The following PTPRR variants were observed in gnomAD, a reference collection of about 807,000 sequenced individuals.
PTPRR encodes the protein receptor-type tyrosine-protein phosphatase R.
In PTPRR, 38 loss-of-function variants were observed where a neutral mutation model predicts 77.2. That is an observed-to-expected ratio of 0.49 (90% CI 0.38 to 0.65). PTPRR has a LOEUF of 0.65. PTPRR is among the 30% of genes least tolerant of loss of function. PTPRR has a pLI of 0.00. For missense variants in PTPRR, 744 were observed against 799.2 expected, an observed-to-expected ratio of 0.93 and a Z score of 0.83; for synonymous variants, 299 against 283.1, an observed-to-expected ratio of 1.06 and a Z score of -0.57.
chr12:70,804,920 A>G (rs918328731), intron 2 of PTPRR, among the ~76,000 whole-genome samples: 2 of 152,250 alleles, frequency 1.3e-5, no homozygotes, highest in Non-Finnish European at 2.9e-5. Context: ...TTGAAAAAAC[A>G]GTATAAAGAA....
intron 2 of PTPRR, among the ~76,000 whole-genome samples, chr12:70,882,008 C>T (rs900209798): frequency 3.3e-5 from 5 of 152,240 alleles, no homozygotes; most frequent in Non-Finnish European, 5.9e-5. Context: ...ACAGCCTTTG[C>T]GTTACGCTGT....
intron 2 of PTPRR, 23 bp downstream of exon 2, chr12:70,892,656 C>G: frequency 6.2e-7 from 1 of 1,606,032 alleles, no homozygotes; most frequent in East Asian, 2.2e-5. Context: ...TCAGCCTCAG[C>G]ATCAGTTTAA....
intron 2 of PTPRR, among the ~76,000 whole-genome samples, chr12:70,891,966 G>A (rs1893345031): frequency 6.6e-6 from 1 of 151,930 alleles, no homozygotes; most frequent in South Asian, 2.1e-4. Context: ...CTATAATGAT[G>A]TTAAACCAGA....
chr12:70,745,273 C>A (rs1021110709), intron 6 of PTPRR, among the ~76,000 whole-genome samples: 1 of 152,180 alleles, frequency 6.6e-6, no homozygotes, highest in Non-Finnish European at 1.5e-5. Context: ...AGTGATCCAC[C>A]CACCTCAGCC....
chr12:70,893,017 A>G (rs373914545), intron 1 of PTPRR, 40 bp from the exon 2 acceptor site: 33 of 1,583,538 alleles, frequency 2.1e-5, no homozygotes, highest in East Asian at 9.0e-5. Flanking sequence ...CAAAGACCCT[A>G]TTCAGTAAGA....
intron 6 of PTPRR, among the ~76,000 whole-genome samples, chr12:70,720,243 C>A (rs1342008043): frequency 2.6e-5 from 4 of 152,138 alleles, no homozygotes; most frequent in African/African-American, 9.7e-5. Context: ...GGCTCGAATC[C>A]TATCTCTGCA....
chr12:70,702,928 T>C (rs944346961), intron 6 of PTPRR, among the ~76,000 whole-genome samples: 3 of 152,188 alleles, frequency 2.0e-5, no homozygotes, highest in Admixed American at 2.0e-4. Context: ...TGATTATCTG[T>C]ATATGTTCAT....
At chr12:70,680,777 G>C (rs759039508) in intron 10 of PTPRR, among the ~76,000 whole-genome samples, 32 of 152,204 alleles carry the variant, frequency 2.1e-4, no homozygotes, top group Non-Finnish European at 4.1e-4. Context: ...GACATGCCCA[G>C]CTGGTGAGCT....
In PTPRR at chr12:70,752,043, G is replaced by A. The variant is rs115886477; in HGVS notation, c.738+2148C>T. On this transcript the variant is annotated intron_variant, in intron 5 of 13. Transcript: ENST00000283228. ...CTGGCAACCACTGATATTTTCTATA[G>A]GCTTGACTTTTCCTGAATGTCATAT... Among the ~76,000 whole-genome samples, 392 of 152,202 alleles carry A rather than the reference G, an allele frequency of 2.6e-3. 2 individuals are homozygous for A. The highest frequency in any genetic ancestry group is 9.1e-3 in the African/African-American group (378 of 41,538).
At chr12:70,724,317 A>G (rs1257494953) in intron 6 of PTPRR, among the ~76,000 whole-genome samples, 2 of 152,058 alleles carry the variant, frequency 1.3e-5, no homozygotes, top group Non-Finnish European at 2.9e-5. Flanking sequence ...TTCAGGTTCT[A>G]CCCTTTAAGA....
At chr12:70,698,905 A>G (rs1565653384) in intron 7 of PTPRR, among the ~76,000 whole-genome samples, 2 of 152,192 alleles carry the variant, frequency 1.3e-5, no homozygotes, top group African/African-American at 2.4e-5. Flanking sequence ...TTTAAGTTAT[A>G]AATGCACTGT....
intron 1 of PTPRR, among the ~76,000 whole-genome samples, chr12:70,895,946 C>T (rs1263647494): frequency 1.3e-5 from 2 of 151,628 alleles, no homozygotes; most frequent in Admixed American, 6.6e-5. Flanking sequence ...CCTCTCTCTC[C>T]TATCAATACC....
At chr12:70,740,718 T>G (rs1196623013) in intron 6 of PTPRR, among the ~76,000 whole-genome samples, 1 of 152,138 alleles carries the variant, frequency 6.6e-6, no homozygotes, top group Admixed American at 6.5e-5. Flanking sequence ...GATGAGAAAT[T>G]TATATGACAT....
At chr12:70,804,815 G>A (rs1361641486) in intron 2 of PTPRR, among the ~76,000 whole-genome samples, 3 of 152,016 alleles carry the variant, frequency 2.0e-5, no homozygotes, top group African/African-American at 7.3e-5. Context: ...TGTAAACCAC[G>A]GGTCACTGCA....
In PTPRR at chr12:70,672,942, G is replaced by A. The variant is rs748160346; in HGVS notation, c.1498-10337C>T. 14 of 1,447,428 alleles carry A rather than the reference G, an allele frequency of 9.7e-6. No homozygotes were observed. In the South Asian group the frequency reaches 1.7e-4, roughly 17 times the overall value. 89.7% of individuals were successfully genotyped at this position (1,447,428 alleles called of 1,614,324 possible). ...AGCCCAGGGAAATGTCGAATGCCAGGTGTGGGCAGGTGCCAGCCCTGTAAG... is the reference window on the plus strand; with the variant it reads ...AGCCCAGGGAAATGTCGAATGCCAGATGTGGGCAGGTGCCAGCCCTGTAAG... On this transcript the variant is annotated intron_variant, in intron 10 of 13. Coordinates refer to ENST00000283228, the MANE Select transcript of PTPRR (RefSeq NM_002849.4).
chr12:70,854,122 A>T (rs1414652455), intron 2 of PTPRR, among the ~76,000 whole-genome samples: 2 of 152,230 alleles, frequency 1.3e-5, no homozygotes, highest in Non-Finnish European at 2.9e-5. Context: ...TAATTATTTC[A>T]AAGGCATATA....
intron 2 of PTPRR, among the ~76,000 whole-genome samples, chr12:70,872,557 G>A (rs1424866857): frequency 5.3e-5 from 8 of 151,722 alleles, no homozygotes; most frequent in South Asian, 2.1e-4. Flanking sequence ...TTAGCCAGGC[G>A]TGGTGGCGGG....
intron 2 of PTPRR, among the ~76,000 whole-genome samples, chr12:70,813,433 C>T (rs560667423): frequency 6.6e-6 from 1 of 152,162 alleles, no homozygotes; most frequent in Non-Finnish European, 1.5e-5. Context: ...AGAAATTTCC[C>T]TTTGAAATCA....
At chr12:70,766,310 A>G (rs1890820779) in intron 2 of PTPRR, among the ~76,000 whole-genome samples, 1 of 152,242 alleles carries the variant, frequency 6.6e-6, no homozygotes, top group Non-Finnish European at 1.5e-5. Flanking sequence ...AATACAGAGA[A>G]GTGCTTAAAG....
Sources: gnomAD v4.1 joint callset for allele counts (sites outside exome capture counted in the v4.1 genomes callset) on GRCh38, gnomAD v4.1.1 for gene constraint, MANE v1.5 for transcripts, NCBI Gene and HGNC (gene_info 2026-07-23, HGNC 2026-07-21) for gene names.